Variants in CTNNA3 observed in about 807,000 individuals in gnomAD.
CTNNA3 encodes the protein catenin alpha 3, also known as catenin alpha-3.
In CTNNA3, 76 loss-of-function variants were observed where a neutral mutation model predicts 95.7. The ratio of observed to expected loss-of-function variants is 0.79; its 90% CI spans 0.66 to 0.96. The LOEUF (loss-of-function observed/expected upper bound fraction) is 0.96. Among genes scored for constraint, CTNNA3 ranks in the 40% least tolerant of loss-of-function variants. CTNNA3 has a pLI of 0.00. For synonymous variants in CTNNA3, 431 were observed against 374.4 expected, an observed-to-expected ratio of 1.15 and a Z score of -1.74; for missense variants, 1,191 against 1,089.8, an observed-to-expected ratio of 1.09 and a Z score of -1.31.
At chr10:66,136,875 G>A (rs2083384645) in intron 13 of CTNNA3, among the ~76,000 whole-genome samples, 1 of 151,952 alleles carries the variant, frequency 6.6e-6, no homozygotes, top group South Asian at 2.1e-4. Context: ...AGGCTGAAGG[G>A]CAGTGGCATG....
intron 3 of CTNNA3, among the ~76,000 whole-genome samples, chr10:67,606,642 TG>T (rs1843280645): frequency 6.6e-6 from 1 of 152,022 alleles, no homozygotes. Flanking sequence ...AGGAATTGCC[TG>T]GGGGGACCGA....
intron 5 of CTNNA3, among the ~76,000 whole-genome samples, chr10:67,353,800 T>C (rs1055078182): frequency 6.6e-6 from 1 of 151,964 alleles, no homozygotes; most frequent in Non-Finnish European, 1.5e-5. Context: ...AACGGATGAA[T>C]GTAAAGATTT....
At chr10:66,286,681 C>G (rs1356623617) in intron 12 of CTNNA3, among the ~76,000 whole-genome samples, 1 of 151,964 alleles carries the variant, frequency 6.6e-6, no homozygotes, top group East Asian at 1.9e-4. Flanking sequence ...GGGATCACAT[C>G]TAGTAGGAGA....
At chr10:66,890,276 T>G (rs1188471215) in intron 7 of CTNNA3, among the ~76,000 whole-genome samples, 1 of 151,892 alleles carries the variant, frequency 6.6e-6, no homozygotes, top group Non-Finnish European at 1.5e-5. Context: ...ACAGGTGGTT[T>G]CAGGCTCATG....
rs575031441 is a variant in CTNNA3 at position 67,185,496 on chromosome 10, T to C, written c.844-4976A>G. ...CTGTCTTACATGGGCAAAAAAATTT[T>C]TAAAAACATGAAAGGAAATTAACTT... is the stretch of plus-strand genomic sequence containing the variant. On this transcript the variant is annotated intron_variant, in intron 6 of 17. Transcript: ENST00000433211. 6.6e-5 allele frequency among the ~76,000 whole-genome samples: 10 copies of C among 152,280 alleles called. No individual in the cohort carries two copies. The East Asian group carries it at 1.9e-3, about 29-fold the overall frequency.
chr10:65,979,870 C>A (rs973804976), intron 16 of CTNNA3, among the ~76,000 whole-genome samples: 13 of 151,986 alleles, frequency 8.6e-5, no homozygotes, highest in Admixed American at 7.9e-4. Context: ...ATCTTGAGAA[C>A]TTTCTGTGCA....
At chr10:67,060,666 GTCTC>G (rs141445121) in intron 7 of CTNNA3, among the ~76,000 whole-genome samples, 1 of 150,406 alleles carries the variant, frequency 6.6e-6, no homozygotes, top group African/African-American at 2.4e-5. Flanking sequence ...ATGGGTTCCT[GTCTC>G]TCTCTCTCTC....
intron 2 of CTNNA3, among the ~76,000 whole-genome samples, chr10:67,616,734 A>T (rs547738796): frequency 1.4e-4 from 21 of 152,366 alleles, no homozygotes; most frequent in African/African-American, 4.6e-4. Context: ...TTTGCCTTTT[A>T]GAGTTTTTAA....
intron 15 of CTNNA3, among the ~76,000 whole-genome samples, chr10:66,066,710 T>C (rs2080320341): frequency 6.6e-6 from 1 of 152,184 alleles, no homozygotes. Flanking sequence ...TCACTGCACA[T>C]AATCTTTGGA....
intron 15 of CTNNA3, among the ~76,000 whole-genome samples, chr10:66,058,320 A>C (rs537305209): frequency 6.6e-6 from 1 of 152,222 alleles, no homozygotes; most frequent in African/African-American, 2.4e-5. Flanking sequence ...GTTGTATCTT[A>C]GAAAAGACAG....
intron 3 of CTNNA3, among the ~76,000 whole-genome samples, chr10:67,543,826 T>C (rs923000055): frequency 1.3e-5 from 2 of 152,166 alleles, no homozygotes; most frequent in African/African-American, 4.8e-5. Flanking sequence ...CCATTTTGAA[T>C]TTGAAAACTC....
At chr10:66,231,818 T>A (rs2132012113) in intron 13 of CTNNA3, among the ~76,000 whole-genome samples, 1 of 152,272 alleles carries the variant, frequency 6.6e-6, no homozygotes, top group African/African-American at 2.4e-5. Context: ...ATACCAACAA[T>A]GAGAAAGCTG....
intron 7 of CTNNA3, among the ~76,000 whole-genome samples, chr10:67,033,316 A>T (rs1381856083): frequency 6.6e-6 from 1 of 152,150 alleles, no homozygotes; most frequent in Non-Finnish European, 1.5e-5. Flanking sequence ...CCATATTTCC[A>T]CATGTGCACA....
chr10:66,825,685 A>G (rs981054906), intron 7 of CTNNA3, among the ~76,000 whole-genome samples: 1 of 152,148 alleles, frequency 6.6e-6, no homozygotes, highest in Non-Finnish European at 1.5e-5. Context: ...CTCATTTAAG[A>G]TCTTCCACAA....
chr10:67,061,630 G>A (rs1392412896), intron 7 of CTNNA3, among the ~76,000 whole-genome samples: 1 of 152,180 alleles, frequency 6.6e-6, no homozygotes, highest in Non-Finnish European at 1.5e-5. Context: ...GAGAAAGGAT[G>A]TTCCACAGAA....
intron 11 of CTNNA3, among the ~76,000 whole-genome samples, chr10:66,439,066 T>C (rs1417476130): frequency 1.3e-5 from 2 of 152,094 alleles, no homozygotes; most frequent in Non-Finnish European, 2.9e-5. Flanking sequence ...GGTACCTCAG[T>C]TGGAAATGCA....
chr10:66,412,790 G>T lies in CTNNA3; in HGVS notation c.1532-33438C>A, dbSNP rs137963808. 1.1e-3 allele frequency among the ~76,000 whole-genome samples: 160 copies of T among 151,912 alleles called. 1 individual carries two copies. The highest frequency in any genetic ancestry group is 3.4e-3 in the African/African-American group (142 of 41,400). ...ATTAATTTTTATTTAATGTGAGCCA[G>T]TATCTTTTTTATTGTTCCTGGAATA... On this transcript the variant is annotated intron_variant, in intron 11 of 17. Transcript: ENST00000433211.
chr10:66,662,661 C>T (rs989584578), intron 9 of CTNNA3, among the ~76,000 whole-genome samples: 16 of 152,184 alleles, frequency 1.1e-4, no homozygotes, highest in Admixed American at 5.9e-4. Flanking sequence ...CTCCTTTTGC[C>T]TCTTAGGGGT....
chr10:67,375,928 G>A (rs1843670467), intron 5 of CTNNA3, among the ~76,000 whole-genome samples: 1 of 152,122 alleles, frequency 6.6e-6, no homozygotes, highest in Non-Finnish European at 1.5e-5. Flanking sequence ...GTTCAGGAAG[G>A]CGGAACCCTT....
Sources: gnomAD v4.1 joint callset for allele counts (sites outside exome capture counted in the v4.1 genomes callset) on GRCh38, gnomAD v4.1.1 for gene constraint, MANE v1.5 for transcripts, NCBI Gene and HGNC (gene_info 2026-07-23, HGNC 2026-07-21) for gene names.